Variants in RPRD1B observed in about 807,000 individuals in gnomAD.
The protein encoded by RPRD1B is regulation of nuclear pre-mRNA domain containing 1B, also known as regulation of nuclear pre-mRNA domain-containing protein 1B.
A neutral mutation model predicts 41.5 loss-of-function variants in RPRD1B; 11 were observed. The ratio of observed to expected loss-of-function variants is 0.27; its 90% CI spans 0.17 to 0.44. The LOEUF (loss-of-function observed/expected upper bound fraction) is 0.44. RPRD1B is among the 20% of genes least tolerant of loss of function. The pLI is 1.00. For synonymous variants in RPRD1B, 158 were observed against 155.6 expected, an observed-to-expected ratio of 1.02 and a Z score of -0.12; for missense variants, 248 against 389.9, an observed-to-expected ratio of 0.64 and a Z score of 3.06.
At chr20:38,068,990 A>G (rs1461396772) in intron 6 of RPRD1B, among the ~76,000 whole-genome samples, 2 of 152,244 alleles carry the variant, frequency 1.3e-5, no homozygotes, top group African/African-American at 4.8e-5. Context: ...TTTATTTTTT[A>G]ATCCTTTCAT....
At position 38,040,472 on chromosome 20, in the gene RPRD1B, G is replaced by T. The variant is rs2273353; in HGVS notation, c.189G>T (p.Ala63=). ...SNRKLTFLYL[A]NDVIQNSKRK... ...GAAAGCTTACTTTTCTGTATTTAGCGAATGATGTCATCCAAAACAGTAAAA... is the reference window on the plus strand; with the variant it reads ...GAAAGCTTACTTTTCTGTATTTAGCTAATGATGTCATCCAAAACAGTAAAA... Residue 63 remains alanine (A), a synonymous_variant, in exon 2 of 7, where the codon GCG becomes GCT. Coordinates refer to ENST00000373433, the MANE Select transcript of RPRD1B (RefSeq NM_021215.4). 6.2e-7 allele frequency: 1 copy of T among 1,605,162 alleles called. No individual in the cohort carries two copies. The highest frequency in any genetic ancestry group is 8.5e-7 in the Non-Finnish European group (1 of 1,176,120).
chr20:38,048,300 A>G lies in RPRD1B; in HGVS notation c.282-48A>G, dbSNP rs1408475370. 4.5e-6 allele frequency: 7 copies of G among 1,557,068 alleles called. No individual in the cohort carries two copies. In the African/African-American group the frequency reaches 9.6e-5, roughly 21 times the overall value. The stretch of plus-strand genomic sequence containing the variant: ...TTTAAGTAGGTCTGTCCTAATTAAA[A>G]GCAAAAAATCTTAAGCTTATATATA... On this transcript the variant is annotated intron_variant, in intron 2 of 6. Transcript: ENST00000373433.
At chr20:38,087,193 C>G (rs1258898090) in intron 6 of RPRD1B, among the ~76,000 whole-genome samples, 1 of 152,200 alleles carries the variant, frequency 6.6e-6, no homozygotes, top group Non-Finnish European at 1.5e-5. Flanking sequence ...CTCCTGACCT[C>G]AGGTGATCTG....
In RPRD1B at chr20:38,048,308, A is replaced by G. The variant is rs1183001873; in HGVS notation, c.282-40A>G. The G allele has an allele frequency of 3.2e-6, 5 of 1,573,960 alleles. No homozygotes were observed. In the South Asian group the frequency reaches 5.8e-5, roughly 18 times the overall value. On this transcript the variant is annotated intron_variant, in intron 2 of 6. Transcript: ENST00000373433. ...GGTCTGTCCTAATTAAAAGCAAAAA[A>G]TCTTAAGCTTATATATATCTTTTCA...
intron 1 of RPRD1B, among the ~76,000 whole-genome samples, chr20:38,035,856 C>G (rs1484568422): frequency 2.0e-5 from 3 of 151,908 alleles, no homozygotes; most frequent in Non-Finnish European, 4.4e-5. Flanking sequence ...GCTCCACCTC[C>G]CGGGTTCATG....
chr20:38,066,459 A>G (rs1038961758), intron 6 of RPRD1B, among the ~76,000 whole-genome samples: 1 of 152,232 alleles, frequency 6.6e-6, no homozygotes, highest in African/African-American at 2.4e-5. Flanking sequence ...GGACAGAACA[A>G]ACTGGATTGT....
chr20:38,055,078 T>G (rs2074225510), intron 3 of RPRD1B, among the ~76,000 whole-genome samples: 1 of 152,254 alleles, frequency 6.6e-6, no homozygotes, highest in Non-Finnish European at 1.5e-5. Flanking sequence ...AAAGCAATCT[T>G]TATAATCAGT....
chr20:38,039,631 C>T (rs548398113), intron 1 of RPRD1B, among the ~76,000 whole-genome samples: 34 of 150,374 alleles, frequency 2.3e-4, no homozygotes, highest in Non-Finnish European at 4.6e-4. Context: ...CTCAAACTCC[C>T]GACCTCAGGT....
rs182106842 is a variant in RPRD1B at position 38,086,898 on chromosome 20, C to T, written c.832-2828C>T. Among the ~76,000 whole-genome samples, 10 of 152,222 alleles carry T rather than the reference C, an allele frequency of 6.6e-5. No individual in the cohort carries two copies. The East Asian group carries it at 1.2e-3, about 18-fold the overall frequency. On this transcript the variant is annotated intron_variant, in intron 6 of 6. Transcript: ENST00000373433. The stretch of plus-strand genomic sequence containing the variant: ...GCATGATGGAATCCCCCGTACCCCA[C>T]CCTATACCCCCTTCCAAACAGAAAC...
At chr20:38,042,213 G>C (rs2074073788) in intron 2 of RPRD1B, among the ~76,000 whole-genome samples, 1 of 152,150 alleles carries the variant, frequency 6.6e-6, no homozygotes, top group South Asian at 2.1e-4. Context: ...AATTAGCCAG[G>C]CATGGTGGTG....
At chr20:38,050,362 TAGCTTCTGAAA>T (rs1370394513) in intron 3 of RPRD1B, among the ~76,000 whole-genome samples, 1 of 152,236 alleles carries the variant, frequency 6.6e-6, no homozygotes, top group Non-Finnish European at 1.5e-5. Flanking sequence ...AGGTGATTGG[TAGCTTCTGAAA>T]AGCAAGATGT....
chr20:38,062,838 CTT>C (rs1555801162), intron 5 of RPRD1B, among the ~76,000 whole-genome samples: 9,185 of 84,040 alleles, frequency 0.11, 612 homozygotes, highest in South Asian at 0.18. Context: ...GCCCCCCCCC[CTT>C]TTTTTTTTTT....
chr20:38,092,334 A>C lies in RPRD1B; in HGVS notation c.*2459A>C. 1 of 984,004 alleles carries C rather than the reference A, an allele frequency of 1.0e-6. No homozygotes were observed. Among genetic ancestry groups the C allele is most frequent in the Non-Finnish European group, 1.2e-6 (1 of 828,336 alleles). The allele number at this position is 984,004 out of a possible 1,614,324, so 61.0% of individuals were successfully genotyped here. A position where few individuals can be genotyped will look rare whatever the true frequency, so the allele number is the denominator to read the frequency against. The stretch of plus-strand genomic sequence containing the variant: ...ATTCTGAAATGTCTCATAGATATAT[A>C]TTTTTGAATAAAGATGGTGTTGTTG... On this transcript the variant is annotated 3_prime_UTR_variant, in exon 7 of 7. Transcript: ENST00000373433.
At chr20:38,076,297 T>C (rs1396153070) in intron 6 of RPRD1B, among the ~76,000 whole-genome samples, 1 of 152,248 alleles carries the variant, frequency 6.6e-6, no homozygotes. Flanking sequence ...ATGTGACTTT[T>C]CATTGATAAA....
At chr20:38,045,324 C>T (rs533878070) in intron 2 of RPRD1B, among the ~76,000 whole-genome samples, 2 of 152,258 alleles carry the variant, frequency 1.3e-5, no homozygotes, top group East Asian at 1.9e-4. Flanking sequence ...TATAAAACGG[C>T]TTTATTACTT....
intron 6 of RPRD1B, among the ~76,000 whole-genome samples, chr20:38,068,952 C>T (rs190554121): frequency 6.6e-6 from 1 of 152,318 alleles, no homozygotes; most frequent in Admixed American, 6.5e-5. Context: ...CGTTTTAAAA[C>T]TTCCAAATCA....
At chr20:38,087,041 C>A (rs2074568111) in intron 6 of RPRD1B, among the ~76,000 whole-genome samples, 1 of 151,858 alleles carries the variant, frequency 6.6e-6, no homozygotes, top group Admixed American at 6.6e-5. Flanking sequence ...ACCACAACCT[C>A]TGCCCCGCCG....
At chr20:38,042,198 T>C (rs1338609410) in intron 2 of RPRD1B, among the ~76,000 whole-genome samples, 1 of 152,102 alleles carries the variant, frequency 6.6e-6, no homozygotes, top group Non-Finnish European at 1.5e-5. Flanking sequence ...AAAAAATTTT[T>C]TAAAAATTAG....
rs572319109 is a variant in RPRD1B, at chr20:38,034,549, T to TC, written c.151+453dup. 3.3e-5 allele frequency among the ~76,000 whole-genome samples: 5 copies of TC among 152,316 alleles called. 1 individual carries two copies. In the South Asian group the frequency reaches 1.0e-3, roughly 32 times the overall value. Reference sequence around the variant, plus strand: ...GAGAGTTTCTTCATCTCCCTGTGTCTCCGTTTTCTCATCTGTAAGAGGGAG... The same window carrying TC: ...GAGAGTTTCTTCATCTCCCTGTGTCTCCCGTTTTCTCATCTGTAAGAGGGAG... On this transcript the variant is annotated intron_variant, in intron 1 of 6. Coordinates refer to ENST00000373433, the MANE Select transcript of RPRD1B (RefSeq NM_021215.4).
Sources: gnomAD v4.1 joint callset for allele counts (sites outside exome capture counted in the v4.1 genomes callset) on GRCh38, gnomAD v4.1.1 for gene constraint, MANE v1.5 for transcripts, NCBI Gene and HGNC (gene_info 2026-07-23, HGNC 2026-07-21) for gene names.